The following IGFBP2 variants were observed in gnomAD, a reference collection of about 807,000 sequenced individuals.
The protein encoded by IGFBP2 is insulin like growth factor binding protein 2.
Under a neutral mutation model 26.2 loss-of-function variants are expected in IGFBP2, and 12 were observed. That is an observed-to-expected ratio of 0.46 (90% CI 0.29 to 0.74). The LOEUF (loss-of-function observed/expected upper bound fraction) is 0.74, where lower values mean the gene tolerates loss of function less well. IGFBP2 is among the 30% of genes least tolerant of loss of function. The pLI is 0.09. For synonymous variants in IGFBP2, 189 were observed against 200.6 expected, an observed-to-expected ratio of 0.94 and a Z score of 0.49; for missense variants, 328 against 441.2, an observed-to-expected ratio of 0.74 and a Z score of 2.30.
chr2:216,646,941 G>A (rs539125936), intron 1 of IGFBP2, among the ~76,000 whole-genome samples: 1 of 152,322 alleles, frequency 6.6e-6, no homozygotes, highest in South Asian at 2.1e-4. Flanking sequence ...CTGTGTGTCA[G>A]CTAGGAGACC....
intron 1 of IGFBP2, among the ~76,000 whole-genome samples, chr2:216,635,216 T>C (rs1049124640): frequency 2.6e-5 from 4 of 152,134 alleles, no homozygotes; most frequent in African/African-American, 9.7e-5. Context: ...TCTGTTTCTC[T>C]AGCACATTTT....
At chr2:216,655,623 G>T (rs1697905097) in intron 1 of IGFBP2, among the ~76,000 whole-genome samples, 1 of 152,182 alleles carries the variant, frequency 6.6e-6, no homozygotes, top group Non-Finnish European at 1.5e-5. Context: ...ATACAGTCAG[G>T]CGTGGTGGCT....
At chr2:216,661,012 A>G in intron 2 of IGFBP2, 5 of 573,360 alleles carry the variant, frequency 8.7e-6, no homozygotes, top group East Asian at 2.9e-5. Flanking sequence ...CTTTCCTTCT[A>G]AAACCTTCAC....
At chr2:216,658,037 G>GT (rs1697951598) in intron 1 of IGFBP2, among the ~76,000 whole-genome samples, 1 of 152,136 alleles carries the variant, frequency 6.6e-6, no homozygotes, top group African/African-American at 2.4e-5. Context: ...GTTTTGGGCT[G>GT]TAAGACATGG....
At chr2:216,657,267 C>T (rs1282496158) in intron 1 of IGFBP2, among the ~76,000 whole-genome samples, 6 of 152,072 alleles carry the variant, frequency 3.9e-5, no homozygotes, top group South Asian at 4.1e-4. Flanking sequence ...GGCAGCGGGG[C>T]GGAGGCAGGG....
chr2:216,637,260 C>CT, intron 1 of IGFBP2, among the ~76,000 whole-genome samples: 1 of 152,302 alleles, frequency 6.6e-6, no homozygotes, highest in Non-Finnish European at 1.5e-5. Flanking sequence ...CTGCCTGAGT[C>CT]ACCAGTCACC....
chr2:216,635,330 C>G (rs905345712), intron 1 of IGFBP2, among the ~76,000 whole-genome samples: 9 of 152,108 alleles, frequency 5.9e-5, no homozygotes, highest in African/African-American at 2.2e-4. Context: ...GGAAGTTAAC[C>G]CTTCCCTCCT....
chr2:216,646,173 A>T (rs1157248375), intron 1 of IGFBP2, among the ~76,000 whole-genome samples: 1 of 152,176 alleles, frequency 6.6e-6, no homozygotes, highest in African/African-American at 2.4e-5. Flanking sequence ...TGTGGGTTCA[A>T]TTTGTCAGGC....
At chr2:216,662,205 G>A in intron 3 of IGFBP2, 1 of 601,804 alleles carries the variant, frequency 1.7e-6, no homozygotes, top group Non-Finnish European at 2.9e-6. Flanking sequence ...GTCAGTTGCT[G>A]GCTCCACTTG....
chr2:216,660,200 C>T (rs2106206375), intron 1 of IGFBP2, among the ~76,000 whole-genome samples: 3 of 152,162 alleles, frequency 2.0e-5, no homozygotes, highest in Middle Eastern at 6.8e-3. Flanking sequence ...TCTGTTCTGC[C>T]CCAGCCTTGT....
At position 216,642,455 on chromosome 2, in the gene IGFBP2, C is replaced by T. The variant is rs555050731; in HGVS notation, c.442+8490C>T. On this transcript the variant is annotated intron_variant, in intron 1 of 3. Coordinates refer to ENST00000233809, the MANE Select transcript of IGFBP2 (RefSeq NM_000597.3). Reference sequence around the variant, plus strand: ...CCCAGCAGCTGGGACTACAGGCGCACGCCGCCACGCTCGGCTAATTTTTTG... The same window carrying T: ...CCCAGCAGCTGGGACTACAGGCGCATGCCGCCACGCTCGGCTAATTTTTTG... Among the ~76,000 whole-genome samples, 40 of 149,198 alleles carry T rather than the reference C, an allele frequency of 2.7e-4. 1 individual carries two copies. In the South Asian group the frequency reaches 8.3e-3, roughly 31 times the overall value.
chr2:216,653,956 T>C (rs1410857855), intron 1 of IGFBP2, among the ~76,000 whole-genome samples: 3 of 152,208 alleles, frequency 2.0e-5, no homozygotes, highest in African/African-American at 7.2e-5. Context: ...GCCTTTTCCA[T>C]TGATGTCATT....
At chr2:216,645,207 TG>T (rs1697687684) in intron 1 of IGFBP2, among the ~76,000 whole-genome samples, 1 of 152,018 alleles carries the variant, frequency 6.6e-6, no homozygotes, top group Admixed American at 6.5e-5. Context: ...GCAACAGTGG[TG>T]GGAGGTGTGT....
At chr2:216,656,545 T>C (rs1697927335) in intron 1 of IGFBP2, among the ~76,000 whole-genome samples, 1 of 152,194 alleles carries the variant, frequency 6.6e-6, no homozygotes, top group South Asian at 2.1e-4. Flanking sequence ...TGAAGACACA[T>C]TTTTTGTTGT....
chr2:216,633,671 C>G lies in IGFBP2; in HGVS notation c.148C>G (p.Leu50Val). ...CTGCCCGCCCTGCACACCCGAGCGC[C>G]TGGCCGCCTGCGGGCCCCCGCCGGT... ...FRCPPCTPER[L>V]AACGPPPVAP... Residue 50 changes from leucine (L) to valine (V), a missense_variant, in exon 1 of 4, where the codon CTG becomes GTG. Physicochemically the swap from Leu to Val is conservative, Grantham distance 32 (BLOSUM62 1). Transcript: ENST00000233809. 9.0e-7 allele frequency: 1 copy of G among 1,117,260 alleles called. No homozygotes were observed. Among genetic ancestry groups the G allele is most frequent in the Non-Finnish European group, 1.1e-6 (1 of 917,538 alleles). 69.2% of individuals were successfully genotyped at this position (1,117,260 alleles called of 1,614,324 possible). A position where few individuals can be genotyped will look rare whatever the true frequency, so the allele number is the denominator to read the frequency against.
chr2:216,662,088 C>T, intron 3 of IGFBP2, 90 bp downstream of exon 3: 1 of 1,436,358 alleles, frequency 7.0e-7, no homozygotes, highest in Non-Finnish European at 9.6e-7. Context: ...GCCTATGATC[C>T]TCTGAGGTCT....
At chr2:216,644,421 G>A (rs1221198157) in intron 1 of IGFBP2, among the ~76,000 whole-genome samples, 1 of 152,154 alleles carries the variant, frequency 6.6e-6, no homozygotes, top group Non-Finnish European at 1.5e-5. Flanking sequence ...GGCAGCCTGT[G>A]TTCATTCAAG....
intron 1 of IGFBP2, among the ~76,000 whole-genome samples, chr2:216,643,636 T>C (rs1276090362): frequency 6.6e-6 from 1 of 151,200 alleles, no homozygotes; most frequent in Non-Finnish European, 1.5e-5. Flanking sequence ...ACACATAAAA[T>C]ACACTAACAC....
chr2:216,648,415 A>G (rs1450868219), intron 1 of IGFBP2, among the ~76,000 whole-genome samples: 1 of 152,150 alleles, frequency 6.6e-6, no homozygotes, highest in South Asian at 2.1e-4. Context: ...CCAGGAGCCC[A>G]GGGCTAGGTT....
Sources: allele counts gnomAD v4.1 joint callset (sites outside exome capture counted in the v4.1 genomes callset), GRCh38; gene constraint gnomAD v4.1.1; transcripts MANE v1.5; gene names NCBI Gene and HGNC (gene_info 2026-07-23, HGNC 2026-07-21).